The following LRP2 variants were observed in gnomAD, a reference collection of about 807,000 sequenced individuals.
The protein encoded by LRP2 is LDL receptor related protein 2, also known as low-density lipoprotein receptor-related protein 2.
Under a neutral mutation model 531.0 loss-of-function variants are expected in LRP2, and 172 were observed. The ratio of observed to expected loss-of-function variants is 0.32; its 90% CI spans 0.29 to 0.37. LRP2 has a LOEUF of 0.37. Ranked by LOEUF, LRP2 falls within the 10% of genes least tolerant of loss-of-function variation. The pLI is 1.00. For synonymous variants in LRP2, 1,992 were observed against 2,027.6 expected, an observed-to-expected ratio of 0.98 and a Z score of 0.47; for missense variants, 5,167 against 5,868.3, an observed-to-expected ratio of 0.88 and a Z score of 3.90.
intron 1 of LRP2, among the ~76,000 whole-genome samples, chr2:169,355,659 G>A (rs114288996): frequency 0.016 from 2,407 of 152,326 alleles, 33 homozygotes; most frequent in Admixed American, 0.023. Flanking sequence ...TGATCTGATA[G>A]GAGGTGGCTC....
chr2:169,340,910 T>C (rs1685544979), intron 1 of LRP2, among the ~76,000 whole-genome samples: 1 of 152,162 alleles, frequency 6.6e-6, no homozygotes. Context: ...TGCATGCTTA[T>C]GCCTGACACT....
At position 169,206,118 on chromosome 2, in the gene LRP2, G is replaced by A; in HGVS notation, c.7461C>T (p.Asn2487=). 6.2e-7 allele frequency: 1 copy of A among 1,614,166 alleles called. No homozygotes were observed. Among genetic ancestry groups the A allele is most frequent in the Non-Finnish European group, 8.5e-7 (1 of 1,180,020 alleles). ...TRRIYYSDYL[N]QMINSMAEDG... is the part of the protein sequence containing the mutation. ...CTTCAGCCATGGAATTAATCATCTG[G>A]TTGAGGTAGTCACTGTAATAAATTC... Residue 2487 remains asparagine (N), a synonymous_variant, in exon 40 of 79, where the codon AAC becomes AAT. Transcript: ENST00000649046.
rs766463797 is a variant in LRP2 at position 169,202,859 on chromosome 2, T to A, written c.8106A>T (p.Ala2702=). 5.6e-6 allele frequency: 9 copies of A among 1,614,216 alleles called. No homozygotes were observed. The East Asian group carries it at 2.0e-4, about 36-fold the overall frequency. The change falls in exon 43 of 79, where the codon GCA becomes GCT. Residue 2702 remains alanine, a synonymous_variant. Transcript: ENST00000649046. ...CIVDNGERCG[A]SSFTCSNGRC... The stretch of plus-strand genomic sequence containing the variant: ...GCCCATTGGAGCAGGTGAAGGAAGA[T>A]GCACCACATCGTTCACCATTGTCCA...
At chr2:169,129,186 A>G in intron 77 of LRP2, 102 bp from the exon 78 acceptor site, 1 of 874,438 alleles carries the variant, frequency 1.1e-6, no homozygotes. Flanking sequence ...ACTGAAGGGT[A>G]AAGCAATTTG....
chr2:169,246,242 G>A (rs1018525579), intron 21 of LRP2, among the ~76,000 whole-genome samples: 3 of 151,876 alleles, frequency 2.0e-5, no homozygotes, highest in Non-Finnish European at 4.4e-5. Flanking sequence ...TGTGCACAAT[G>A]TGCAGGTTAG....
intron 49 of LRP2, 92 bp from the exon 50 acceptor site, chr2:169,186,111 C>A: frequency 9.0e-7 from 1 of 1,105,436 alleles, no homozygotes; most frequent in Non-Finnish European, 1.4e-6. Context: ...TAAACAGTGC[C>A]AATTCTTAAT....
At chr2:169,172,176 G>T in intron 57 of LRP2, 42 bp from the exon 58 acceptor site, 2 of 1,613,132 alleles carry the variant, frequency 1.2e-6, no homozygotes, top group South Asian at 2.2e-5. Flanking sequence ...ACCATTGGCA[G>T]AGAAATGCAC....
rs1389228293 is a variant in LRP2, at chr2:169,279,510, C to A, written c.1427G>T (p.Trp476Leu). 1.9e-6 allele frequency: 3 copies of A among 1,613,694 alleles called. No homozygotes were observed. The highest frequency in any genetic ancestry group is 2.5e-6 in the Non-Finnish European group (3 of 1,179,786). The stretch of plus-strand genomic sequence containing the variant: ...CACTAGATAGATTTTATTATTAACC[C>A]AGTCCACAGCCAGGTTCTCTGGGGT... ...VETPENLAVD[W>L]VNNKIYLVET... is the part of the protein sequence containing the mutation. Residue 476 changes from tryptophan (W) to leucine (L), a missense_variant, in exon 12 of 79, where the codon TGG becomes TTG. This residue lies in a region of LRP2 where 2,811 missense variants were observed against 3,058.0 expected (regional missense o/e 0.92). Coordinates refer to ENST00000649046, the MANE Select transcript of LRP2 (RefSeq NM_004525.3).
intron 33 of LRP2, among the ~76,000 whole-genome samples, chr2:169,220,885 G>A (rs1487691770): frequency 1.3e-5 from 2 of 152,046 alleles, no homozygotes; most frequent in Non-Finnish European, 2.9e-5. Flanking sequence ...TAAAGAAACT[G>A]CAAAAATCCT....
At chr2:169,137,941 G>GA (rs1232758427) in intron 75 of LRP2, among the ~76,000 whole-genome samples, 1 of 152,148 alleles carries the variant, frequency 6.6e-6, no homozygotes, top group African/African-American at 2.4e-5. Context: ...ACAAAATTCT[G>GA]AAAGTGGTTT....
Position 169,139,254 on chromosome 2 carries a change from G to A in LRP2, c.13385C>T (p.Pro4462Leu). The change falls in exon 74 of 79, where the codon CCA (proline) becomes CTA (leucine). Residue 4462 changes from proline to leucine, a missense_variant. Around this residue, in one of 6 missense-constraint regions of LRP2, gnomAD observed 348 missense variants for 369.3 expected, o/e 0.94. Coordinates refer to ENST00000649046, the MANE Select transcript of LRP2 (RefSeq NM_004525.3). Reference protein sequence around the residue: ...GSLLPALPKLPSLSSLVKPSE... With the variant: ...GSLLPALPKLLSLSSLVKPSE... ...CGTTCCCCATAATGAAACTGACCTTGGCAGCTTGGGCAGAGCAGGCAAAAG... is the reference window on the plus strand; with the variant it reads ...CGTTCCCCATAATGAAACTGACCTTAGCAGCTTGGGCAGAGCAGGCAAAAG... 1 of 1,614,114 alleles carries A rather than the reference G, an allele frequency of 6.2e-7. No homozygotes were observed. Among genetic ancestry groups the A allele is most frequent in the Admixed American group, 1.7e-5 (1 of 60,016 alleles).
chr2:169,216,217 A>G (rs1306925674), intron 35 of LRP2, 36 bp downstream of exon 35: 2 of 1,607,848 alleles, frequency 1.2e-6, no homozygotes, highest in South Asian at 1.1e-5. Context: ...ACACCAGCTC[A>G]GCATAAAGAC....
chr2:169,167,375 G>T (rs1686822931), intron 61 of LRP2, among the ~76,000 whole-genome samples: 1 of 152,172 alleles, frequency 6.6e-6, no homozygotes, highest in African/African-American at 2.4e-5. Flanking sequence ...TGATGAAGCT[G>T]GGAAAGGGGA....
At chr2:169,322,764 T>C (rs1397383712) in intron 1 of LRP2, among the ~76,000 whole-genome samples, 1 of 152,190 alleles carries the variant, frequency 6.6e-6, no homozygotes, top group African/African-American at 2.4e-5. Flanking sequence ...GTAAAGGTAG[T>C]ATCTTCTGGT....
intron 67 of LRP2, among the ~76,000 whole-genome samples, chr2:169,152,438 A>C (rs913629782): frequency 6.6e-6 from 1 of 152,220 alleles, no homozygotes; most frequent in Non-Finnish European, 1.5e-5. Context: ...CAGTGCTGCC[A>C]TACTGAAAGT....
rs1424351899 is a variant in LRP2 at position 169,128,656 on chromosome 2, G to T, written c.*7C>A. ...GTTTCTAATTATTCCCTAAATAGCTGGTATAGCTATACTTCAGAGTCTTCT... is the reference window on the plus strand; with the variant it reads ...GTTTCTAATTATTCCCTAAATAGCTTGTATAGCTATACTTCAGAGTCTTCT... On this transcript the variant is annotated 3_prime_UTR_variant, in exon 79 of 79. Transcript: ENST00000649046. 3.1e-6 allele frequency: 5 copies of T among 1,610,946 alleles called. No homozygotes were observed. Among genetic ancestry groups the T allele is most frequent in the Non-Finnish European group, 4.2e-6 (5 of 1,177,210 alleles).
intron 63 of LRP2, among the ~76,000 whole-genome samples, chr2:169,160,707 T>C (rs1447107823): frequency 6.0e-5 from 6 of 100,090 alleles, no homozygotes; most frequent in Non-Finnish European, 1.3e-4. Flanking sequence ...CTGCTACTAA[T>C]TAAATGCCAT....
At position 169,212,015 on chromosome 2, in the gene LRP2, A is replaced by C. The variant is rs760347752; in HGVS notation, c.6233T>G (p.Leu2078Trp). 17 of 1,614,036 alleles carry C rather than the reference A, an allele frequency of 1.1e-5. No homozygotes were observed. In the Admixed American group the frequency reaches 2.8e-4, roughly 27 times the overall value. Residue 2078 changes from leucine (L) to tryptophan (W), a missense_variant, in exon 37 of 79, where the codon TTG becomes TGG. Physicochemically the swap from Leu to Trp is moderately conservative, Grantham distance 61. Transcript: ENST00000649046. ...GGTTTCTGAATGATCTGACAATTCC[A>C]AGCTAAAGCCTCTGATTGCAGACAG... Reference protein sequence around the residue: ...SMLSAIRGFSLELSDHSETMV... With the variant: ...SMLSAIRGFSWELSDHSETMV...
rs568500015 is a variant in LRP2, at chr2:169,172,732, G to T, written c.11143+364C>A. On this transcript the variant is annotated intron_variant, in intron 57 of 78. Transcript: ENST00000649046. Reference sequence around the variant, plus strand: ...AAATATCCTTTTTAGAGATAGATACGAAGTCTTTTCTCTAACCCCTTTCCA... The same window carrying T: ...AAATATCCTTTTTAGAGATAGATACTAAGTCTTTTCTCTAACCCCTTTCCA... Among the ~76,000 whole-genome samples, 196 of 152,230 alleles carry T rather than the reference G, an allele frequency of 1.3e-3. 1 individual carries two copies. The highest frequency in any genetic ancestry group is 4.4e-3 in the African/African-American group (183 of 41,548).
Sources: gnomAD v4.1 joint callset for allele counts (sites outside exome capture counted in the v4.1 genomes callset) on GRCh38, gnomAD v4.1.1 for gene constraint, gnomAD v4.1.1 regional missense constraint, MANE v1.5 for transcripts, NCBI Gene and HGNC (gene_info 2026-07-23, HGNC 2026-07-21) for gene names.